The following IPCEF1 variants were observed in gnomAD, a reference collection of about 807,000 sequenced individuals.
IPCEF1 encodes interactor protein for cytohesin exchange factors 1.
IPCEF1 carries 31 observed loss-of-function variants against 50.9 expected under a neutral mutation model. The ratio of observed to expected loss-of-function variants is 0.61; its 90% CI spans 0.46 to 0.82. The LOEUF (loss-of-function observed/expected upper bound fraction) is 0.82, where lower values mean the gene tolerates loss of function less well. Ranked by LOEUF, IPCEF1 falls within the 40% of genes least tolerant of loss-of-function variation. The probability of loss-of-function intolerance (pLI) is 0.00; values close to 1 mark genes in which losing one functional copy is unlikely to be tolerated. For missense variants in IPCEF1, 458 were observed against 514.0 expected (o/e 0.89, Z 1.05); for synonymous variants, 181 against 192.0 (o/e 0.94, Z 0.47).
At chr6:154,336,437 T>A (rs139981074) in intron 1 of IPCEF1, among the ~76,000 whole-genome samples, 230 of 152,302 alleles carry the variant, frequency 1.5e-3, no homozygotes, top group African/African-American at 5.3e-3. Flanking sequence ...AAATATCACA[T>A]GTTCTCACTC....
intron 10 of IPCEF1, among the ~76,000 whole-genome samples, chr6:154,191,469 T>A (rs1583755122): frequency 6.6e-6 from 1 of 151,846 alleles, no homozygotes. Context: ...AGGTCAGGGG[T>A]TTGAGACCAA....
At position 154,216,120 on chromosome 6, in the gene IPCEF1, T is replaced by C. The variant is rs188468727; in HGVS notation, c.393-1844A>G. 8.0e-3 allele frequency among the ~76,000 whole-genome samples: 1,213 copies of C among 152,254 alleles called. 12 individuals are homozygous for C. The highest frequency in any genetic ancestry group is 8.5e-3 in the Non-Finnish European group (578 of 68,012). Reference sequence around the variant, plus strand: ...CCCCTTCACCCAACAATTCCAATCATAAATATCAATCCTATAGAAACACAC... The same window carrying C: ...CCCCTTCACCCAACAATTCCAATCACAAATATCAATCCTATAGAAACACAC... On this transcript the variant is annotated intron_variant, in intron 7 of 11. Coordinates refer to ENST00000367220, the MANE Select transcript of IPCEF1 (RefSeq NM_001130700.2).
chr6:154,354,486 C>CACCTCCACCACCACCTCCACCA (rs1784178699), intron 1 of IPCEF1, among the ~76,000 whole-genome samples: 1 of 151,922 alleles, frequency 6.6e-6, no homozygotes, highest in African/African-American at 2.4e-5. Context: ...CCTCCACCAT[C>CACCTCCACCACCACCTCCACCA]TCTACCGTCA....
intron 10 of IPCEF1, among the ~76,000 whole-genome samples, chr6:154,185,961 G>T (rs1801304285): frequency 2.0e-5 from 3 of 152,142 alleles, no homozygotes; most frequent in Admixed American, 1.3e-4. Flanking sequence ...CGACCCTTTT[G>T]GTTCCCCTTC....
intron 2 of IPCEF1, among the ~76,000 whole-genome samples, chr6:154,275,038 C>T (rs184405360): frequency 1.3e-5 from 2 of 152,262 alleles, no homozygotes; most frequent in Admixed American, 6.5e-5. Context: ...TTTTCACCTA[C>T]CCCTCAAAGA....
intron 1 of IPCEF1, among the ~76,000 whole-genome samples, chr6:154,341,912 G>T (rs984124155): frequency 6.6e-6 from 1 of 152,152 alleles, no homozygotes; most frequent in African/African-American, 2.4e-5. Flanking sequence ...AGCTTCAGCT[G>T]CTACCCACTT....
At chr6:154,206,690 A>T (rs931602155) in intron 9 of IPCEF1, among the ~76,000 whole-genome samples, 3 of 152,236 alleles carry the variant, frequency 2.0e-5, no homozygotes, top group African/African-American at 7.2e-5. Flanking sequence ...AGGACTAGAG[A>T]TGTTCTCATG....
chr6:154,304,839 C>T (rs536202960), intron 1 of IPCEF1, among the ~76,000 whole-genome samples: 8 of 152,270 alleles, frequency 5.3e-5, no homozygotes, highest in East Asian at 1.9e-4. Context: ...AAAGGCCGGG[C>T]GCGGTGGCTC....
chr6:154,339,077 CTCT>C (rs1783849596), intron 1 of IPCEF1, among the ~76,000 whole-genome samples: 1 of 152,042 alleles, frequency 6.6e-6, no homozygotes, highest in Non-Finnish European at 1.5e-5. Context: ...TAGGAACTGC[CTCT>C]TCTTTTTTCC....
intron 1 of IPCEF1, among the ~76,000 whole-genome samples, chr6:154,330,457 C>T (rs2128692782): frequency 6.6e-6 from 1 of 151,736 alleles, no homozygotes; most frequent in Non-Finnish European, 1.5e-5. Context: ...CCACCTCGGT[C>T]CCCCGAGTAG....
chr6:154,262,492 G>A (rs1017189944), intron 3 of IPCEF1, among the ~76,000 whole-genome samples: 5 of 152,158 alleles, frequency 3.3e-5, no homozygotes, highest in African/African-American at 1.2e-4. Flanking sequence ...ATAGAATCAG[G>A]ATAGGTAAGG....
At chr6:154,280,803 A>C (rs896391373) in intron 2 of IPCEF1, among the ~76,000 whole-genome samples, 1 of 152,232 alleles carries the variant, frequency 6.6e-6, no homozygotes, top group African/African-American at 2.4e-5. Context: ...CTGAAGTGGC[A>C]GTTGCAAGAA....
At chr6:154,342,516 G>T (rs1002504543) in intron 1 of IPCEF1, among the ~76,000 whole-genome samples, 3 of 152,054 alleles carry the variant, frequency 2.0e-5, no homozygotes. Context: ...TGACTTTTGC[G>T]ACTCAAGTGA....
At position 154,305,387 on chromosome 6, in the gene IPCEF1, G is replaced by A. The variant is rs1019265968; in HGVS notation, c.-61-15631C>T. Reference sequence around the variant, plus strand: ...GTCCATTTCCACAGCAATCTTTCAGGCCCTCCTATGCTCATTCTTCTGCCT... The same window carrying A: ...GTCCATTTCCACAGCAATCTTTCAGACCCTCCTATGCTCATTCTTCTGCCT... On this transcript the variant is annotated intron_variant, in intron 1 of 11. Coordinates refer to ENST00000367220, the MANE Select transcript of IPCEF1 (RefSeq NM_001130700.2). 2.0e-4 allele frequency among the ~76,000 whole-genome samples: 31 copies of A among 152,136 alleles called. 1 individual carries two copies. The highest frequency in any genetic ancestry group is 1.8e-3 in the Admixed American group (27 of 15,268).
intron 3 of IPCEF1, among the ~76,000 whole-genome samples, chr6:154,264,495 C>T (rs920410719): frequency 2.6e-5 from 4 of 152,062 alleles, no homozygotes; most frequent in Non-Finnish European, 5.9e-5. Flanking sequence ...GCCTCAGCCT[C>T]CCGAGTAGCT....
chr6:154,292,195 C>T (rs892452363), intron 1 of IPCEF1, among the ~76,000 whole-genome samples: 1 of 152,090 alleles, frequency 6.6e-6, no homozygotes, highest in African/African-American at 2.4e-5. Context: ...TGCCTAACAC[C>T]CCTCAATATG....
At chr6:154,183,392 G>A (rs550126579) in intron 10 of IPCEF1, among the ~76,000 whole-genome samples, 3 of 152,292 alleles carry the variant, frequency 2.0e-5, no homozygotes, top group East Asian at 3.9e-4. Context: ...CATATTCATG[G>A]ATGACTTAAT....
At chr6:154,309,850 G>C (rs868131347) in intron 1 of IPCEF1, among the ~76,000 whole-genome samples, 1 of 150,556 alleles carries the variant, frequency 6.6e-6, no homozygotes, top group Middle Eastern at 3.4e-3. Flanking sequence ...TGCAACCTCC[G>C]CCTCCCCGGT....
chr6:154,266,099 C>T (rs1781746488), intron 2 of IPCEF1, 135 bp from the exon 3 acceptor site: 9 of 603,094 alleles, frequency 1.5e-5, no homozygotes, highest in Non-Finnish European at 5.7e-6. Context: ...CATTAAATAG[C>T]CTTTCGGCCA....
Sources: allele counts gnomAD v4.1 joint callset (sites outside exome capture counted in the v4.1 genomes callset), GRCh38; gene constraint gnomAD v4.1.1; transcripts MANE v1.5; gene names NCBI Gene and HGNC (gene_info 2026-07-23, HGNC 2026-07-21).